The following SNTG2 variants were observed in gnomAD, a reference collection of about 807,000 sequenced individuals.
The protein encoded by SNTG2 is gamma-2-syntrophin.
SNTG2 carries 74 observed loss-of-function variants against 70.9 expected under a neutral mutation model. That is an observed-to-expected ratio of 1.04 (90% CI 0.86 to 1.27). The LOEUF (loss-of-function observed/expected upper bound fraction) is 1.27. Ranked by LOEUF, SNTG2 falls within the 50% of genes most tolerant of loss-of-function variation. The pLI is 0.00. For synonymous variants in SNTG2, 278 were observed against 273.8 expected (o/e 1.02, Z -0.15); for missense variants, 717 against 690.7 (o/e 1.04, Z -0.43).
At chr2:1,222,543 T>C (rs145539195) in intron 9 of SNTG2, among the ~76,000 whole-genome samples, 5,901 of 83,302 alleles carry the variant, frequency 0.071, 144 homozygotes, top group Middle Eastern at 0.14. Context: ...AGGTGCTGGA[T>C]CGCTGTAGAG....
chr2:1,208,990 TCAG>T, intron 8 of SNTG2, 110 bp from the exon 9 acceptor site: 1 of 1,268,398 alleles, frequency 7.9e-7, no homozygotes, highest in South Asian at 1.6e-5. Context: ...TGCTTTTTTA[TCAG>T]TTGAAATGTG....
intron 16 of SNTG2, among the ~76,000 whole-genome samples, chr2:1,363,560 A>G (rs2148323450): frequency 6.6e-6 from 1 of 152,300 alleles, no homozygotes; most frequent in East Asian, 1.9e-4. Context: ...GCAGGTGGAA[A>G]CACATCAGCC....
intron 4 of SNTG2, among the ~76,000 whole-genome samples, chr2:1,134,231 C>A (rs913842452): frequency 3.3e-5 from 5 of 152,168 alleles, no homozygotes; most frequent in African/African-American, 1.2e-4. Context: ...AAGAACAAAG[C>A]TTCCACAGTG....
chr2:1,058,061 T>C (rs924727665), intron 1 of SNTG2, among the ~76,000 whole-genome samples: 8 of 152,180 alleles, frequency 5.3e-5, no homozygotes, highest in Admixed American at 5.2e-4. Flanking sequence ...TAAAAAATTA[T>C]ATTTGAATTA....
chr2:1,088,757 G>A (rs1180246869), intron 2 of SNTG2, among the ~76,000 whole-genome samples: 1 of 152,112 alleles, frequency 6.6e-6, no homozygotes, highest in East Asian at 1.9e-4. Context: ...TGATTGCCTG[G>A]CTGGCTTTAA....
intron 8 of SNTG2, among the ~76,000 whole-genome samples, chr2:1,198,337 T>C (rs1673057450): frequency 6.6e-6 from 1 of 151,826 alleles, no homozygotes; most frequent in Non-Finnish European, 1.5e-5. Flanking sequence ...CAAAAATCTA[T>C]AGGATATAGC....
intron 14 of SNTG2, among the ~76,000 whole-genome samples, chr2:1,278,268 T>C (rs1203987668): frequency 6.6e-6 from 1 of 152,116 alleles, no homozygotes; most frequent in Non-Finnish European, 1.5e-5. Context: ...GGGCAGAAGG[T>C]GTTAGTGAGG....
intron 6 of SNTG2, among the ~76,000 whole-genome samples, chr2:1,138,957 T>TGATTCCTA (rs1668574704): frequency 6.6e-6 from 1 of 152,178 alleles, no homozygotes. Context: ...ACACGCTCAC[T>TGATTCCTA]CAGAATTCAT....
At chr2:1,248,809 T>C (rs895036521) in intron 12 of SNTG2, among the ~76,000 whole-genome samples, 1 of 152,226 alleles carries the variant, frequency 6.6e-6, no homozygotes, top group Non-Finnish European at 1.5e-5. Context: ...AGGACTTCCA[T>C]GGACCCATAT....
At position 1,234,760 on chromosome 2, in the gene SNTG2, G is replaced by C. The variant is rs1676496001; in HGVS notation, c.720-3128G>C. 4.0e-5 allele frequency among the ~76,000 whole-genome samples: 6 copies of C among 150,912 alleles called. No individual in the cohort carries two copies. In the South Asian group the frequency reaches 1.3e-3, roughly 32 times the overall value. On this transcript the variant is annotated intron_variant, in intron 9 of 16. Transcript: ENST00000308624. ...CTCAAGACCACAGCATCGATAAAGG[G>C]TCCTTCATGGAGCCTGGGTCCACTG... is the stretch of plus-strand genomic sequence containing the variant.
Position 1,239,760 on chromosome 2 carries a change from G to A in SNTG2, c.872G>A (p.Cys291Tyr). Residue 291 changes from cysteine to tyrosine, a missense_variant, in exon 11 of 17, where the codon TGC becomes TAC. Physicochemically the swap from Cys to Tyr is radical, Grantham distance 194 (BLOSUM62 -2). Transcript: ENST00000308624. ...CAGATGAAGATGGCGAACAAATGCT[G>A]CTCTCCTTCCGACCAGGTAGGGTTT... ...LQNMKMANKCCSPSDQVVHMG... is the reference protein window; with the variant it reads ...LQNMKMANKCYSPSDQVVHMG... 2 of 1,613,518 alleles carry A rather than the reference G, an allele frequency of 1.2e-6. No homozygotes were observed. The highest frequency in any genetic ancestry group is 1.7e-6 in the Non-Finnish European group (2 of 1,179,782).
intron 14 of SNTG2, among the ~76,000 whole-genome samples, chr2:1,287,661 G>A (rs1364628522): frequency 2.0e-5 from 3 of 152,314 alleles, no homozygotes; most frequent in South Asian, 2.1e-4. Flanking sequence ...AATAGCATGC[G>A]CCAGACAGCG....
intron 6 of SNTG2, among the ~76,000 whole-genome samples, chr2:1,151,076 G>A (rs1241056581): frequency 6.6e-6 from 1 of 152,240 alleles, no homozygotes; most frequent in Non-Finnish European, 1.5e-5. Context: ...AGTTGGAAAA[G>A]TATAGAATAT....
chr2:1,096,353 A>T (rs1328607685), intron 2 of SNTG2, among the ~76,000 whole-genome samples: 1 of 152,164 alleles, frequency 6.6e-6, no homozygotes, highest in Non-Finnish European at 1.5e-5. Flanking sequence ...AGGACATGTA[A>T]GGTTTATTCT....
chr2:1,227,046 C>T (rs374547495), intron 9 of SNTG2, among the ~76,000 whole-genome samples: 4 of 152,196 alleles, frequency 2.6e-5, no homozygotes, highest in Non-Finnish European at 4.4e-5. Context: ...GGGAGAGGTG[C>T]GATGTATAAG....
At chr2:1,052,408 GCT>G (rs955619191) in intron 1 of SNTG2, among the ~76,000 whole-genome samples, 5 of 152,118 alleles carry the variant, frequency 3.3e-5, no homozygotes, top group African/African-American at 1.2e-4. Context: ...AAACATTCTT[GCT>G]ATTTTCTTGT....
At chr2:1,228,373 G>C (rs1006230240) in intron 9 of SNTG2, among the ~76,000 whole-genome samples, 1 of 152,316 alleles carries the variant, frequency 6.6e-6, no homozygotes, top group South Asian at 2.1e-4. Context: ...GGGGGGAGGA[G>C]CGCCTCTCTC....
chr2:1,305,151 A>G (rs1680620091), intron 14 of SNTG2, among the ~76,000 whole-genome samples: 1 of 152,216 alleles, frequency 6.6e-6, no homozygotes, highest in African/African-American at 2.4e-5. Flanking sequence ...CTCTGTCTTC[A>G]GACAAACCAT....
At chr2:1,290,211 G>T (rs528398148) in intron 14 of SNTG2, among the ~76,000 whole-genome samples, 1 of 152,254 alleles carries the variant, frequency 6.6e-6, no homozygotes, top group East Asian at 1.9e-4. Context: ...CATGGTTGGG[G>T]AGACCTCAGG....
Sources: allele counts gnomAD v4.1 joint callset (sites outside exome capture counted in the v4.1 genomes callset), GRCh38; gene constraint gnomAD v4.1.1; transcripts MANE v1.5; gene names NCBI Gene and HGNC (gene_info 2026-07-23, HGNC 2026-07-21).